The following FCRL3 variants were observed in gnomAD, a reference collection of about 807,000 sequenced individuals.
FCRL3 encodes Fc receptor like 3, also known as Fc receptor-like protein 3.
Under a neutral mutation model 75.0 loss-of-function variants are expected in FCRL3, and 89 were observed. The ratio of observed to expected loss-of-function variants is 1.19; its 90% CI spans 1.00 to 1.42. The LOEUF (loss-of-function observed/expected upper bound fraction) is 1.42. Ranked by LOEUF, FCRL3 falls within the 40% of genes most tolerant of loss-of-function variation. FCRL3 has a pLI of 0.00. For synonymous variants in FCRL3, 376 were observed against 348.5 expected, an observed-to-expected ratio of 1.08 and a Z score of -0.88; for missense variants, 946 against 880.0, an observed-to-expected ratio of 1.07 and a Z score of -0.95.
chr1:157,695,908 T>G (rs540826978), intron 7 of FCRL3, 132 bp downstream of exon 7: 4 of 269,774 alleles, frequency 1.5e-5, no homozygotes, highest in Non-Finnish European at 2.9e-5. Flanking sequence ...TCTCTCCCCC[T>G]CTCTCTCTCT....
chr1:157,690,471 G>C lies in FCRL3; in HGVS notation c.1474C>G (p.Leu492Val), dbSNP rs762447964. The C allele has an allele frequency of 6.2e-7, 1 of 1,614,238 alleles. No individual in the cohort carries two copies. Among genetic ancestry groups the C allele is most frequent in the South Asian group, 1.1e-5 (1 of 91,084 alleles). ...APGAQAVVGDLLELHCESLRG... is the reference protein window; with the variant it reads ...APGAQAVVGDVLELHCESLRG... ...AGGGACTCACAGTGAAGCTCCAGCA[G>C]GTCCCCCACCACAGCCTGGGCCCCG... The change falls in exon 9 of 15, where the codon CTG (leucine) becomes GTG (valine). Residue 492 changes from leucine (L) to valine (V), a missense_variant. Coordinates refer to ENST00000368184, the MANE Select transcript of FCRL3 (RefSeq NM_052939.4).
At chr1:157,700,142 C>T (rs974810981) in intron 2 of FCRL3, among the ~76,000 whole-genome samples, 3 of 152,152 alleles carry the variant, frequency 2.0e-5, no homozygotes, top group Non-Finnish European at 1.5e-5. Context: ...AGTAACTGCT[C>T]ATCTGAAAAA....
intron 13 of FCRL3, 53 bp from the exon 14 acceptor site, chr1:157,679,026 A>G: frequency 6.3e-7 from 1 of 1,589,956 alleles, no homozygotes; most frequent in Non-Finnish European, 8.6e-7. Flanking sequence ...AATATATTCC[A>G]ACTTACAACG....
At chr1:157,689,718 C>T in intron 10 of FCRL3, 80 bp downstream of exon 10, 3 of 1,583,540 alleles carry the variant, frequency 1.9e-6, no homozygotes, top group East Asian at 4.5e-5. Flanking sequence ...AATACTTGAC[C>T]TTTATAGGGT....
chr1:157,686,715 C>T (rs941065866), intron 10 of FCRL3, among the ~76,000 whole-genome samples: 1 of 152,068 alleles, frequency 6.6e-6, no homozygotes, highest in Non-Finnish European at 1.5e-5. Flanking sequence ...ATAAATGGTG[C>T]TGGGATAACT....
Position 157,677,131 on chromosome 1 carries a change from A to G in FCRL3, c.*1579T>C. ...AAGGGTAACAGAGGCCAGTGGGAGC[A>G]GTGTGGATTGATCATCACATTTTTT... is the stretch of plus-strand genomic sequence containing the variant. On this transcript the variant is annotated 3_prime_UTR_variant, in exon 15 of 15. Transcript: ENST00000368184. The G allele has an allele frequency of 9.7e-7, 1 of 1,032,914 alleles. No individual in the cohort carries two copies. Among genetic ancestry groups the G allele is most frequent in the African/African-American group, 1.7e-5 (1 of 59,952 alleles). The allele number at this position is 1,032,914 out of a possible 1,614,324, so 64.0% of individuals were successfully genotyped here.
chr1:157,698,886 G>A (rs1407049723), intron 3 of FCRL3, among the ~76,000 whole-genome samples: 1 of 152,224 alleles, frequency 6.6e-6, no homozygotes, highest in African/African-American at 2.4e-5. Context: ...AAAAGCTCAG[G>A]AGATGTGATT....
chr1:157,677,652 C>T lies in FCRL3; in HGVS notation c.*1058G>A, dbSNP rs943169552. On this transcript the variant is annotated 3_prime_UTR_variant, in exon 15 of 15. Transcript: ENST00000368184. ...TTTTACACAAGTAAATACTAAACAG[C>T]AATAAAAACAAATGAACTATAGCAA... is the stretch of plus-strand genomic sequence containing the variant. The T allele has an allele frequency of 6.3e-6, 6 of 949,990 alleles. No individual in the cohort carries two copies. Among genetic ancestry groups the T allele is most frequent in the African/African-American group, 5.3e-5 (3 of 56,128 alleles). 58.8% of individuals were successfully genotyped at this position (949,990 alleles called of 1,614,324 possible). A position where few individuals can be genotyped will look rare whatever the true frequency, so the allele number is the denominator to read the frequency against.
In FCRL3 at chr1:157,689,873, C is replaced by A; in HGVS notation, c.1735G>T (p.Gly579Trp). 1.2e-6 allele frequency: 2 copies of A among 1,614,160 alleles called. No individual in the cohort carries two copies. Among genetic ancestry groups the A allele is most frequent in the Non-Finnish European group, 1.7e-6 (2 of 1,180,026 alleles). Residue 579 changes from glycine to tryptophan, a missense_variant, in exon 10 of 15, where the codon GGG becomes TGG. By Grantham distance (184) the Gly-to-Trp change is radical. Coordinates refer to ENST00000368184, the MANE Select transcript of FCRL3 (RefSeq NM_052939.4). ...AGGACGAGGATGCTGAGCACCAGCC[C>A]CGTGATTCCCGCAGCGGTAAGGCCT... ...RTGLTAAGIT[G>W]LVLSILVLAA...
chr1:157,678,900 A>G, intron 14 of FCRL3, 42 bp downstream of exon 14: 2 of 1,614,118 alleles, frequency 1.2e-6, no homozygotes, highest in Non-Finnish European at 1.7e-6. Flanking sequence ...AATACAGGAG[A>G]GGAAGGCCAG....
chr1:157,696,182 G>A lies in FCRL3; in HGVS notation c.990C>T (p.Ser330=). The A allele has an allele frequency of 1.2e-6, 2 of 1,613,944 alleles. No individual in the cohort carries two copies. Among genetic ancestry groups the A allele is most frequent in the South Asian group, 1.1e-5 (1 of 91,074 alleles). Residue 330 remains serine, a synonymous_variant, in exon 7 of 15, where the codon AGC becomes AGT. Coordinates refer to ENST00000368184, the MANE Select transcript of FCRL3 (RefSeq NM_052939.4). ...GGGAACGCTGGGTCTTTCTACCCAG[G>A]CTTCTTACTCTTCCTTCTTTGTGCC... is the stretch of plus-strand genomic sequence containing the variant. ...FSWHKEGRVR[S]LGRKTQRSLL... is the part of the protein sequence containing the mutation.
At chr1:157,679,572 C>A (rs1654688533) in intron 13 of FCRL3, among the ~76,000 whole-genome samples, 1 of 151,842 alleles carries the variant, frequency 6.6e-6, no homozygotes, top group South Asian at 2.1e-4. Flanking sequence ...TTTGTGCAGC[C>A]AATAAGCAAT....
Position 157,696,290 on chromosome 1 carries a change from G to A in FCRL3, c.882C>T (p.Pro294=). The change falls in exon 7 of 15, where the codon CCC becomes CCT. Residue 294 remains proline, a synonymous_variant. Coordinates refer to ENST00000368184, the MANE Select transcript of FCRL3 (RefSeq NM_052939.4). ...PVSNVNLEIR[P]TGGQLIEGEN... is the part of the protein sequence containing the mutation. Reference sequence around the variant, plus strand: ...CTCCTTCAATCAGCTGCCCTCCGGTGGGCCGGATCTCTAGATTCACATTAG... The same window carrying A: ...CTCCTTCAATCAGCTGCCCTCCGGTAGGCCGGATCTCTAGATTCACATTAG... 1.2e-6 allele frequency: 2 copies of A among 1,614,048 alleles called. No individual in the cohort carries two copies. The highest frequency in any genetic ancestry group is 1.7e-6 in the Non-Finnish European group (2 of 1,180,016).
At chr1:157,696,548 A>G (rs1655920950) in intron 6 of FCRL3, 1 of 560,128 alleles carries the variant, frequency 1.8e-6, no homozygotes, top group Non-Finnish European at 3.2e-6. Flanking sequence ...CACCAAGTCC[A>G]TAATCTCCAT....
Position 157,696,191 on chromosome 1 carries a change from T to G in FCRL3, c.981A>C (p.Arg327Ser). The change falls in exon 7 of 15, where the codon AGA (arginine) becomes AGC (serine). Residue 327 changes from arginine (R) to serine (S), a missense_variant. Coordinates refer to ENST00000368184, the MANE Select transcript of FCRL3 (RefSeq NM_052939.4). ...GGGTCTTTCTACCCAGGCTTCTTAC[T>G]CTTCCTTCTTTGTGCCAGGAGAATG... ...TVTFSWHKEG[R>S]VRSLGRKTQR... 7 of 1,614,080 alleles carry G rather than the reference T, an allele frequency of 4.3e-6. No homozygotes were observed. Among genetic ancestry groups the G allele is most frequent in the Non-Finnish European group, 5.9e-6 (7 of 1,180,010 alleles).
Position 157,700,692 on chromosome 1 carries a change from G to A in FCRL3, c.-127C>T, listed in dbSNP as rs1026333266. On this transcript the variant is annotated 5_prime_UTR_variant, in exon 1 of 15. Coordinates refer to ENST00000368184, the MANE Select transcript of FCRL3 (RefSeq NM_052939.4). ...TAAATGCTGTTTGTATCTCAATCCC[G>A]GTAGTGATACATTTTTAGAAGTTGG... The A allele has an allele frequency of 7.6e-6, 11 of 1,438,474 alleles. No individual in the cohort carries two copies. The highest frequency in any genetic ancestry group is 2.7e-5 in the Admixed American group (1 of 36,418). 89.1% of individuals were successfully genotyped at this position (1,438,474 alleles called of 1,614,324 possible).
chr1:157,699,788 T>G lies in FCRL3; in HGVS notation c.32-76A>C, dbSNP rs555507217. 5 of 1,512,618 alleles carry G rather than the reference T, an allele frequency of 3.3e-6. No individual in the cohort carries two copies. In the African/African-American group the frequency reaches 4.1e-5, roughly 12 times the overall value. The allele number at this position is 1,512,618 out of a possible 1,614,324, so 93.7% of individuals were successfully genotyped here. A position where few individuals can be genotyped will look rare whatever the true frequency, so the allele number is the denominator to read the frequency against. On this transcript the variant is annotated intron_variant, in intron 2 of 14. Coordinates refer to ENST00000368184, the MANE Select transcript of FCRL3 (RefSeq NM_052939.4). ...ACAACCTAACCACAACCACTTCTTT[T>G]GTTTTTCCTTATCATTTCTTTGCTC...
intron 11 of FCRL3, among the ~76,000 whole-genome samples, chr1:157,682,937 C>T (rs10489677): frequency 0.036 from 5,499 of 152,108 alleles, 317 homozygotes; most frequent in African/African-American, 0.13. Flanking sequence ...AAGGTAATGC[C>T]ATTAAGACAT....
chr1:157,680,137 C>T (rs1027934000), intron 13 of FCRL3, among the ~76,000 whole-genome samples: 2 of 152,108 alleles, frequency 1.3e-5, no homozygotes, highest in Admixed American at 6.5e-5. Context: ...CAGTAAGAAA[C>T]ATGAGCACCA....
Sources: gnomAD v4.1 joint callset for allele counts (sites outside exome capture counted in the v4.1 genomes callset) on GRCh38, gnomAD v4.1.1 for gene constraint, MANE v1.5 for transcripts, NCBI Gene and HGNC (gene_info 2026-07-23, HGNC 2026-07-21) for gene names.